Variants in SP110 observed in about 807,000 individuals in gnomAD.
The protein encoded by SP110 is SP110 nuclear body protein, also known as interferon-induced protein 41, 30kD.
In SP110, 62 loss-of-function variants were observed where a neutral mutation model predicts 92.7. That is an observed-to-expected ratio of 0.67 (90% CI 0.55 to 0.83). The LOEUF (loss-of-function observed/expected upper bound fraction) is 0.83, where lower values mean the gene tolerates loss of function less well. Ranked by LOEUF, SP110 falls within the 40% of genes least tolerant of loss-of-function variation. The pLI, the probability that SP110 is intolerant of heterozygous loss-of-function variation, is 0.00. For synonymous variants in SP110, 273 were observed against 305.3 expected, an observed-to-expected ratio of 0.89 and a Z score of 1.10; for missense variants, 793 against 863.9, an observed-to-expected ratio of 0.92 and a Z score of 1.03.
Position 230,171,713 on chromosome 2 carries a change from T to TA in SP110, c.1869dup (p.Thr624TyrfsTer6), listed in dbSNP as rs775710377. ...TGACTTACATTAAATGGGATGCCCG[T>TA]AAAAAAGGAGCTTTGTGGATGACAG... On this transcript the variant is annotated frameshift_variant, in exon 17 of 19. Transcript: ENST00000258381. LOFTEE classifies it high-confidence loss of function. 24 of 1,613,362 alleles carry TA rather than the reference T, an allele frequency of 1.5e-5. No homozygotes were observed. Among genetic ancestry groups the TA allele is most frequent in the Non-Finnish European group, 2.0e-5 (24 of 1,179,314 alleles).
rs1418352930 is a variant in SP110 at position 230,168,256 on chromosome 2, G to A, written c.*868C>T. ...TAAAAAATCCCTGGTTACCTTTAGAGGATATTGGGACATCAATTCATTATT... is the reference window on the plus strand; with the variant it reads ...TAAAAAATCCCTGGTTACCTTTAGAAGATATTGGGACATCAATTCATTATT... On this transcript the variant is annotated 3_prime_UTR_variant, in exon 19 of 19. Transcript: ENST00000258381. 1 of 151,572 alleles carries A rather than the reference G, an allele frequency of 6.6e-6. No homozygotes were observed. Among genetic ancestry groups the A allele is most frequent in the Non-Finnish European group, 1.5e-5 (1 of 67,948 alleles). 9.4% of individuals were successfully genotyped at this position (151,572 alleles called of 1,614,324 possible). A position where few individuals can be genotyped will look rare whatever the true frequency, so the allele number is the denominator to read the frequency against.
intron 10 of SP110, among the ~76,000 whole-genome samples, chr2:230,197,094 C>T (rs1212509414): frequency 2.0e-5 from 3 of 152,078 alleles, no homozygotes; most frequent in East Asian, 1.9e-4. Flanking sequence ...TATTTCTAGT[C>T]CCAGATCCCT....
At chr2:230,212,643 A>T in intron 4 of SP110, 118 bp downstream of exon 4, 1 of 1,347,364 alleles carries the variant, frequency 7.4e-7, no homozygotes, top group Non-Finnish European at 1.1e-6. Context: ...GTGTTTGGGT[A>T]GATGGGTGCA....
intron 13 of SP110, 84 bp from the exon 14 acceptor site, chr2:230,177,764 A>G: frequency 6.9e-7 from 1 of 1,457,230 alleles, no homozygotes; most frequent in Non-Finnish European, 9.6e-7. Context: ...GTGGCCTTCT[A>G]CCTTTCCAGG....
intron 10 of SP110, among the ~76,000 whole-genome samples, chr2:230,195,155 C>T (rs2042811327): frequency 6.6e-6 from 1 of 151,882 alleles, no homozygotes; most frequent in Non-Finnish European, 1.5e-5. Context: ...TATTGATCTA[C>T]AAACCTGCAA....
intron 9 of SP110, 74 bp downstream of exon 9, chr2:230,202,505 A>T: frequency 7.0e-7 from 1 of 1,426,900 alleles, no homozygotes; most frequent in Non-Finnish European, 9.9e-7. Context: ...ATATCTACTT[A>T]ACTCTGTACC....
intron 8 of SP110, chr2:230,203,325 G>T: frequency 6.2e-6 from 1 of 160,250 alleles, no homozygotes; most frequent in Non-Finnish European, 1.4e-5. Flanking sequence ...TTCACCGGCT[G>T]TTGACTTTAG....
intron 12 of SP110, among the ~76,000 whole-genome samples, chr2:230,179,147 G>C (rs1442776560): frequency 1.3e-5 from 2 of 152,200 alleles, no homozygotes; most frequent in African/African-American, 4.8e-5. Flanking sequence ...TGACGGAAAG[G>C]TGAAGGAACA....
upstream of SP110, chr2:230,220,009 C>T (rs202197342): frequency 1.3e-5 from 13 of 985,478 alleles, no homozygotes; most frequent in South Asian, 4.7e-5. Context: ...AGTAAGGGGC[C>T]GGGCTTCCGA....
rs1329457562 is a variant in SP110, at chr2:230,171,708, G to A, written c.1875C>T (p.Gly625=). 7 of 1,612,478 alleles carry A rather than the reference G, an allele frequency of 4.3e-6. No individual in the cohort carries two copies. Among genetic ancestry groups the A allele is most frequent in the East Asian group, 2.2e-5 (1 of 44,872 alleles). The change falls in exon 17 of 19, where the codon GGC becomes GGT. Residue 625 remains glycine, a synonymous_variant. Coordinates refer to ENST00000258381, the MANE Select transcript of SP110 (RefSeq NM_080424.4). ...YCHPQSSFFT[G]IPFNIRDYGE... ...AAATGTGACTTACATTAAATGGGATGCCCGTAAAAAAGGAGCTTTGTGGAT... is the reference window on the plus strand; with the variant it reads ...AAATGTGACTTACATTAAATGGGATACCCGTAAAAAAGGAGCTTTGTGGAT...
At chr2:230,223,930 C>A (rs979652900), upstream of SP110, among the ~76,000 whole-genome samples, 8 of 152,196 alleles carry the variant, frequency 5.3e-5, no homozygotes, top group African/African-American at 1.7e-4. Flanking sequence ...CAGGCCGGAG[C>A]CTTCTGACTC....
intron 2 of SP110, 49 bp downstream of exon 2, chr2:230,216,732 G>T (rs200249548): frequency 1.9e-4 from 311 of 1,605,818 alleles, no homozygotes; most frequent in Non-Finnish European, 2.2e-4. Flanking sequence ...TAATAATCAG[G>T]CATATTGGTG....
chr2:230,210,118 C>G (rs993690618), intron 6 of SP110, 110 bp from the exon 7 acceptor site: 1 of 779,650 alleles, frequency 1.3e-6, no homozygotes, highest in African/African-American at 1.7e-5. Flanking sequence ...AGCCCAGGGC[C>G]GGGAATCTGC....
intron 10 of SP110, among the ~76,000 whole-genome samples, chr2:230,186,843 T>C (rs557685320): frequency 1.3e-3 from 193 of 152,338 alleles, no homozygotes; most frequent in Non-Finnish European, 2.5e-3. Flanking sequence ...TCATTCTTTT[T>C]TTATGGCTGA....
At chr2:230,223,812 C>A (rs1360917311), upstream of SP110, among the ~76,000 whole-genome samples, 2 of 152,170 alleles carry the variant, frequency 1.3e-5, no homozygotes, top group Non-Finnish European at 2.9e-5. Flanking sequence ...TTCTAGCATG[C>A]TTAGCAAAAT....
chr2:230,199,151 T>TAATTA, intron 10 of SP110, among the ~76,000 whole-genome samples: 1 of 112,860 alleles, frequency 8.9e-6, no homozygotes, highest in Non-Finnish European at 1.7e-5. Context: ...TATTATTATT[T>TAATTA]TTTTTTTTTT....
chr2:230,197,120 C>T (rs1191445358), intron 10 of SP110, among the ~76,000 whole-genome samples: 14 of 152,126 alleles, frequency 9.2e-5, no homozygotes, highest in African/African-American at 2.2e-4. Flanking sequence ...ATCACCACAC[C>T]GATTTCCACA....
chr2:230,221,915 A>AT (rs2045852148), upstream of SP110: 1 of 623,104 alleles, frequency 1.6e-6, no homozygotes, highest in African/African-American at 1.8e-5. Context: ...TGAGGATGAA[A>AT]GATGTTTATT....
chr2:230,170,711 A>G lies in SP110; in HGVS notation c.1938T>C (p.Val646=), dbSNP rs540620912. 1 of 1,614,124 alleles carries G rather than the reference A, an allele frequency of 6.2e-7. No individual in the cohort carries two copies. The highest frequency in any genetic ancestry group is 2.2e-5 in the East Asian group (1 of 44,862). The change falls in exon 18 of 19, where the codon GTT becomes GTC. Residue 646 remains valine, a synonymous_variant. Coordinates refer to ENST00000258381, the MANE Select transcript of SP110 (RefSeq NM_080424.4). ...PFQEAMWLDL[V]KERLITEMYT... is the part of the protein sequence containing the mutation. ...ACATTTCCGTAATCAGCCTTTCCTT[A>G]ACCAGGTCCAACCACATTGCTTCCT...
Sources: allele counts gnomAD v4.1 joint callset (sites outside exome capture counted in the v4.1 genomes callset), GRCh38; gene constraint gnomAD v4.1.1; transcripts MANE v1.5; gene names NCBI Gene and HGNC (gene_info 2026-07-23, HGNC 2026-07-21).